The following GNPAT variants were observed in gnomAD, a reference collection of about 807,000 sequenced individuals.
GNPAT encodes dihydroxyacetone phosphate acyltransferase.
A neutral mutation model predicts 78.4 loss-of-function variants in GNPAT; 30 were observed. That is an observed-to-expected ratio of 0.38 (90% CI 0.29 to 0.52). GNPAT has a LOEUF of 0.52. GNPAT is among the 20% of genes least tolerant of loss of function. GNPAT has a pLI of 0.84. For synonymous variants in GNPAT, 271 were observed against 281.1 expected (o/e 0.96, Z 0.36); for missense variants, 714 against 812.2 (o/e 0.88, Z 1.47).
At chr1:231,262,940 G>T (rs918194278) in intron 4 of GNPAT, 88 bp downstream of exon 4, 1 of 972,674 alleles carries the variant, frequency 1.0e-6, no homozygotes. Context: ...TGAAGATGAT[G>T]ATGAAAATAG....
chr1:231,271,078 C>G, intron 10 of GNPAT, 78 bp downstream of exon 10: 1 of 1,488,440 alleles, frequency 6.7e-7, no homozygotes, highest in Non-Finnish European at 9.4e-7. Context: ...ACATTTGAAG[C>G]CTTGTAATGT....
chr1:231,241,506 C>T lies in GNPAT; in HGVS notation c.78+50C>T, dbSNP rs200361664. 614 of 1,281,806 alleles carry T rather than the reference C, an allele frequency of 4.8e-4. 3 individuals carry two copies. Among genetic ancestry groups the T allele is most frequent in the Non-Finnish European group, 7.5e-5 (66 of 880,576 alleles). The allele number at this position is 1,281,806 out of a possible 1,614,324, so 79.4% of individuals were successfully genotyped here. On this transcript the variant is annotated intron_variant, in intron 1 of 15. Coordinates refer to ENST00000366647, the MANE Select transcript of GNPAT (RefSeq NM_014236.4). Reference sequence around the variant, plus strand: ...CAGAGCGGAGCCGCGCGAAATAGTACCCCTTTCTCCCAGTCCCTATTCCTC... The same window carrying T: ...CAGAGCGGAGCCGCGCGAAATAGTATCCCTTTCTCCCAGTCCCTATTCCTC...
At chr1:231,273,609 C>T (rs1324302473) in intron 11 of GNPAT, among the ~76,000 whole-genome samples, 2 of 152,072 alleles carry the variant, frequency 1.3e-5, no homozygotes, top group African/African-American at 4.8e-5. Flanking sequence ...GTATGTATTT[C>T]CTATTTAAAT....
At chr1:231,277,071 G>A (rs1018997094) in intron 15 of GNPAT, among the ~76,000 whole-genome samples, 4 of 152,136 alleles carry the variant, frequency 2.6e-5, no homozygotes, top group Admixed American at 6.5e-5. Context: ...TCGGGAAGGC[G>A]GAAGTACTAG....
chr1:231,249,929 G>A (rs1684845243), intron 1 of GNPAT, among the ~76,000 whole-genome samples: 1 of 152,066 alleles, frequency 6.6e-6, no homozygotes, highest in South Asian at 2.1e-4. Flanking sequence ...GAAGCTGAAT[G>A]GCAGGGGCTG....
At chr1:231,262,911 C>G (rs1160771761) in intron 4 of GNPAT, 59 bp downstream of exon 4, 1 of 1,251,042 alleles carries the variant, frequency 8.0e-7, no homozygotes. Context: ...CTGGCATATT[C>G]TAGCAGTACT....
chr1:231,262,650 CGTTTTCT>C, intron 3 of GNPAT, 66 bp from the exon 4 acceptor site: 11 of 1,191,922 alleles, frequency 9.2e-6, no homozygotes, highest in Non-Finnish European at 1.4e-5. Flanking sequence ...CTTATTCTTC[CGTTTTCT>C]GATTTGAGAT....
At chr1:231,264,069 A>G (rs188020294) in intron 4 of GNPAT, among the ~76,000 whole-genome samples, 1 of 152,204 alleles carries the variant, frequency 6.6e-6, no homozygotes, top group African/African-American at 2.4e-5. Flanking sequence ...GTGTTATTTG[A>G]TGCATGGAAG....
chr1:231,249,237 A>G (rs529619579), intron 1 of GNPAT, among the ~76,000 whole-genome samples: 17 of 152,340 alleles, frequency 1.1e-4, no homozygotes, highest in African/African-American at 4.1e-4. Flanking sequence ...ATTTATTACA[A>G]GGGTTGCAAC....
At chr1:231,257,193 T>C (rs1685090085) in intron 2 of GNPAT, among the ~76,000 whole-genome samples, 1 of 152,250 alleles carries the variant, frequency 6.6e-6, no homozygotes, top group Admixed American at 6.5e-5. Flanking sequence ...CATTTCGTTC[T>C]AATTCCCAAG....
chr1:231,251,485 C>G (rs1266489813), intron 2 of GNPAT, among the ~76,000 whole-genome samples: 1 of 151,924 alleles, frequency 6.6e-6, no homozygotes, highest in Non-Finnish European at 1.5e-5. Context: ...TTAATGAGGC[C>G]TAAAAGATAA....
At chr1:231,270,646 G>A in intron 9 of GNPAT, 112 bp from the exon 10 acceptor site, 1 of 1,042,258 alleles carries the variant, frequency 9.6e-7, no homozygotes, top group Admixed American at 1.7e-5. Context: ...AGTAAAACCT[G>A]TCACTTGAAA....
chr1:231,263,180 T>C (rs1685272499), intron 4 of GNPAT, among the ~76,000 whole-genome samples: 1 of 152,228 alleles, frequency 6.6e-6, no homozygotes, highest in Non-Finnish European at 1.5e-5. Flanking sequence ...ATCTAACTTT[T>C]TAAAGTTTAT....
intron 2 of GNPAT, among the ~76,000 whole-genome samples, chr1:231,257,469 T>C (rs1197214589): frequency 6.6e-6 from 1 of 152,210 alleles, no homozygotes; most frequent in Non-Finnish European, 1.5e-5. Context: ...TCTTTTGCTG[T>C]GTCTTTTATT....
intron 2 of GNPAT, among the ~76,000 whole-genome samples, chr1:231,252,404 A>G (rs1050316491): frequency 6.6e-6 from 1 of 152,232 alleles, no homozygotes; most frequent in Non-Finnish European, 1.5e-5. Context: ...TGTGATTTGA[A>G]GACATCAAAA....
chr1:231,265,915 T>C, intron 6 of GNPAT, 99 bp from the exon 7 acceptor site: 1 of 1,084,172 alleles, frequency 9.2e-7, no homozygotes, highest in Non-Finnish European at 1.4e-6. Context: ...ATTTACGGGA[T>C]TAGTGTATAA....
intron 4 of GNPAT, 114 bp from the exon 5 acceptor site, chr1:231,265,179 C>A: frequency 1.2e-6 from 1 of 845,704 alleles, no homozygotes; most frequent in East Asian, 2.8e-5. Flanking sequence ...CATAGCGAGA[C>A]CCTGTCTCAT....
chr1:231,276,399 C>T (rs947513736), intron 15 of GNPAT, among the ~76,000 whole-genome samples: 4 of 152,160 alleles, frequency 2.6e-5, no homozygotes, highest in Non-Finnish European at 1.5e-5. Flanking sequence ...ACACAGCAGG[C>T]ATAAAAGAAG....
rs771696243 is a variant in GNPAT, at chr1:231,265,772, T to A, written c.757T>A (p.Leu253Met). 1.3e-6 allele frequency: 2 copies of A among 1,594,484 alleles called. No individual in the cohort carries two copies. The highest frequency in any genetic ancestry group is 4.5e-5 in the East Asian group (2 of 44,756). The part of the protein sequence containing the change: ...EGTRSRSAKT[L>M]TPKFGLLNIV... ...GACAAGAAGCCGCTCTGCCAAGACA[T>A]TGACTCCTAAATTTGGTAGGTCACT... The change falls in exon 6 of 16, where the codon TTG becomes ATG. Residue 253 changes from leucine (L) to methionine (M), a missense_variant. Leu to Met is a conservative substitution (Grantham distance 15). Coordinates refer to ENST00000366647, the MANE Select transcript of GNPAT (RefSeq NM_014236.4).
Sources: gnomAD v4.1 joint callset for allele counts (sites outside exome capture counted in the v4.1 genomes callset) on GRCh38, gnomAD v4.1.1 for gene constraint, MANE v1.5 for transcripts, NCBI Gene and HGNC (gene_info 2026-07-23, HGNC 2026-07-21) for gene names.